Variants in DNAH17 observed in about 807,000 individuals in gnomAD.
The protein encoded by DNAH17 is axonemal beta dynein heavy chain 17.
In DNAH17, 376 loss-of-function variants were observed where a neutral mutation model predicts 485.6. The observed-to-expected ratio is 0.77, with a 90% CI of 0.71 to 0.84. The LOEUF (loss-of-function observed/expected upper bound fraction) is 0.84. DNAH17 is among the 40% of genes least tolerant of loss of function. DNAH17 has a pLI of 0.00. For synonymous variants in DNAH17, 3,031 were observed against 2,405.9 expected (o/e 1.26, Z -7.60); for missense variants, 6,370 against 5,839.3 (o/e 1.09, Z -2.96).
chr17:78,536,968 G>A (rs1235655188), intron 19 of DNAH17, among the ~76,000 whole-genome samples: 1 of 151,950 alleles, frequency 6.6e-6, no homozygotes, highest in African/African-American at 2.4e-5. Context: ...GAGTTCAGGA[G>A]ATCCAGACCA....
chr17:78,572,831 C>T lies in DNAH17; in HGVS notation c.409G>A (p.Asp137Asn). Residue 137 changes from aspartate to asparagine, a missense_variant, in exon 3 of 81, where the codon GAC becomes AAC. Transcript: ENST00000389840. Reference sequence around the variant, plus strand: ...AGCCTGTGGACCTGCTTCACGATGTCTTCCGAGACCACCTGGGGCCATCCA... The same window carrying T: ...AGCCTGTGGACCTGCTTCACGATGTTTTCCGAGACCACCTGGGGCCATCCA... The part of the protein sequence containing the change: ...MAGWPQVVSE[D>N]IVKQVHRLKN... 6.2e-7 allele frequency: 1 copy of T among 1,613,990 alleles called. No homozygotes were observed. Among genetic ancestry groups the T allele is most frequent in the South Asian group, 1.1e-5 (1 of 91,070 alleles).
intron 1 of DNAH17, 111 bp from the exon 2 acceptor site, chr17:78,575,193 G>GTTCCTGTTTGGT: frequency 1.3e-6 from 1 of 788,850 alleles, no homozygotes. Flanking sequence ...GAACAAAACA[G>GTTCCTGTTTGGT]TTGGTCGAGA....
intron 75 of DNAH17, among the ~76,000 whole-genome samples, chr17:78,431,379 C>T (rs981895201): frequency 2.0e-5 from 3 of 151,330 alleles, no homozygotes; most frequent in Admixed American, 6.6e-5. Context: ...CCACACGCTC[C>T]TCAGGAGGGT....
intron 11 of DNAH17, among the ~76,000 whole-genome samples, chr17:78,565,733 C>T (rs989543240): frequency 1.3e-5 from 2 of 152,196 alleles, no homozygotes; most frequent in Non-Finnish European, 2.9e-5. Context: ...GTGGGCGGAT[C>T]ACCTGAGGTC....
intron 63 of DNAH17, 63 bp from the exon 64 acceptor site, chr17:78,454,768 G>GCT (rs1466674185): frequency 7.1e-7 from 1 of 1,413,380 alleles, no homozygotes; most frequent in African/African-American, 1.4e-5. Context: ...CTAGAAAATA[G>GCT]CTCTCCAAAT....
In DNAH17 at chr17:78,502,883, G is replaced by C. The variant is rs944475852; in HGVS notation, c.5082+3C>G. The C allele has an allele frequency of 3.7e-6, 6 of 1,613,496 alleles. No homozygotes were observed. The highest frequency in any genetic ancestry group is 4.2e-6 in the Non-Finnish European group (5 of 1,179,758). ...CGCCGCCGAGCCCCCACCCGCCTCA[G>C]ACCTGGGCTGGGTAGTCCAGGATCC... On this transcript the variant is annotated splice_donor_region_variant and intron_variant, in intron 32 of 80. Coordinates refer to ENST00000389840, the MANE Select transcript of DNAH17 (RefSeq NM_173628.4).
intron 54 of DNAH17, among the ~76,000 whole-genome samples, chr17:78,474,849 A>G (rs1172710822): frequency 6.7e-6 from 1 of 149,094 alleles, no homozygotes. Flanking sequence ...TCTTCACCTC[A>G]GTCATGCGGG....
intron 16 of DNAH17, among the ~76,000 whole-genome samples, chr17:78,546,799 G>A (rs901274900): frequency 6.6e-6 from 1 of 152,142 alleles, no homozygotes; most frequent in Non-Finnish European, 1.5e-5. Flanking sequence ...CCAGCTATTT[G>A]GGAGGCTGAA....
At chr17:78,495,634 C>T (rs1011831229) in intron 38 of DNAH17, among the ~76,000 whole-genome samples, 2 of 152,134 alleles carry the variant, frequency 1.3e-5, no homozygotes, top group African/African-American at 2.4e-5. Context: ...GACGGGGTTT[C>T]ACCATCTTGA....
chr17:78,439,816 C>A (rs1482137849), intron 72 of DNAH17, among the ~76,000 whole-genome samples: 1 of 150,984 alleles, frequency 6.6e-6, no homozygotes, highest in Non-Finnish European at 1.5e-5. Flanking sequence ...ACTACAGGCG[C>A]CCGCCACCAC....
chr17:78,434,868 C>T (rs965994780), intron 74 of DNAH17, among the ~76,000 whole-genome samples: 4 of 152,198 alleles, frequency 2.6e-5, no homozygotes, highest in East Asian at 3.9e-4. Flanking sequence ...CAGCGGCTGA[C>T]GGAGCACCTC....
rs779112386 is a variant in DNAH17, at chr17:78,494,135, C to T, written c.6309G>A (p.Ala2103=). The T allele has an allele frequency of 4.3e-5, 69 of 1,612,692 alleles. No individual in the cohort carries two copies. Among genetic ancestry groups the T allele is most frequent in the South Asian group, 1.4e-4 (13 of 91,052 alleles). Residue 2103 remains alanine, a synonymous_variant, in exon 41 of 81, where the codon GCG becomes GCA. Coordinates refer to ENST00000389840, the MANE Select transcript of DNAH17 (RefSeq NM_173628.4). ...KQSIVELKLQ[A]EDSFVLKVVQ... ...CCACCTTCAGCACGAAGCTGTCCTC[C>T]GCCTGCAGCTTGAGCTCCACGATGC...
chr17:78,477,379 T>C (rs1355544339), intron 51 of DNAH17, among the ~76,000 whole-genome samples: 1 of 152,212 alleles, frequency 6.6e-6, no homozygotes, highest in Non-Finnish European at 1.5e-5. Flanking sequence ...TTTATTTTTT[T>C]TTTTATTGAT....
At chr17:78,523,600 A>G (rs2090989455) in intron 25 of DNAH17, among the ~76,000 whole-genome samples, 1 of 152,272 alleles carries the variant, frequency 6.6e-6, no homozygotes, top group African/African-American at 2.4e-5. Flanking sequence ...CAAGGAGGAT[A>G]TATAGATGTC....
At chr17:78,566,033 T>TCC (rs779331704) in intron 11 of DNAH17, among the ~76,000 whole-genome samples, 1 of 152,006 alleles carries the variant, frequency 6.6e-6, no homozygotes, top group Admixed American at 6.6e-5. Flanking sequence ...CCCAGAGACC[T>TCC]CCCTTGCCCC....
In DNAH17 at chr17:78,459,114, G is replaced by A. The variant is rs762502377; in HGVS notation, c.9748C>T (p.Arg3250Cys). 1.5e-5 allele frequency: 24 copies of A among 1,613,862 alleles called. No individual in the cohort carries two copies. In the Admixed American group the frequency reaches 1.5e-4, roughly 10 times the overall value. The change falls in exon 61 of 81, where the codon CGC becomes TGC. Residue 3250 changes from arginine (R) to cysteine (C), a missense_variant. By Grantham distance (180) the Arg-to-Cys change is radical (BLOSUM62 -3). Coordinates refer to ENST00000389840, the MANE Select transcript of DNAH17 (RefSeq NM_173628.4). ...ACGTCGCAGTAGACCTCGTAGAAGCGGACGATGTTGATGCACCAGGAGCAC... is the reference window on the plus strand; with the variant it reads ...ACGTCGCAGTAGACCTCGTAGAAGCAGACGATGTTGATGCACCAGGAGCAC... ...GLCSWCINIV[R>C]FYEVYCDVAP...
chr17:78,469,005 C>T, intron 54 of DNAH17, 122 bp from the exon 55 acceptor site: 1 of 1,297,122 alleles, frequency 7.7e-7, no homozygotes, highest in Non-Finnish European at 1.0e-6. Context: ...GCTCTGTCGC[C>T]CAGGCTGGAG....
chr17:78,573,085 T>C (rs1271995852), intron 2 of DNAH17, among the ~76,000 whole-genome samples, 191 bp from the exon 3 acceptor site: 1 of 152,092 alleles, frequency 6.6e-6, no homozygotes, highest in Admixed American at 6.5e-5. Context: ...AACTGGATCC[T>C]TCTTCCAGAA....
chr17:78,482,331 G>C (rs1181668116), intron 48 of DNAH17, among the ~76,000 whole-genome samples: 2 of 151,914 alleles, frequency 1.3e-5, no homozygotes, highest in African/African-American at 4.8e-5. Flanking sequence ...CAGCACTTTT[G>C]TTTTTTTCCC....
Sources: allele counts gnomAD v4.1 joint callset (sites outside exome capture counted in the v4.1 genomes callset), GRCh38; gene constraint gnomAD v4.1.1; transcripts MANE v1.5; gene names NCBI Gene and HGNC (gene_info 2026-07-23, HGNC 2026-07-21).